Variants in KIT observed in about 807,000 individuals in gnomAD.
The protein encoded by KIT is mast/stem cell growth factor receptor Kit.
KIT carries 16 observed loss-of-function variants against 105.7 expected under a neutral mutation model. The ratio of observed to expected loss-of-function variants is 0.15; its 90% CI spans 0.10 to 0.23. The LOEUF (loss-of-function observed/expected upper bound fraction) is 0.23. Ranked by LOEUF, KIT falls within the 10% of genes least tolerant of loss-of-function variation. The probability of loss-of-function intolerance (pLI) is 1.00; values close to 1 mark genes in which losing one functional copy is unlikely to be tolerated. For missense variants in KIT, 858 were observed against 1,213.8 expected, an observed-to-expected ratio of 0.71 and a Z score of 4.36; for synonymous variants, 438 against 441.1, an observed-to-expected ratio of 0.99 and a Z score of 0.09.
At chr4:54,659,970 C>T (rs561731073) in intron 1 of KIT, among the ~76,000 whole-genome samples, 44 of 152,176 alleles carry the variant, frequency 2.9e-4, no homozygotes, top group African/African-American at 1.1e-3. Flanking sequence ...TGCCCTTGGC[C>T]AGGTTGCTTA....
chr4:54,681,936 C>T (rs1577933209), intron 1 of KIT, among the ~76,000 whole-genome samples: 1 of 151,906 alleles, frequency 6.6e-6, no homozygotes, highest in African/African-American at 2.4e-5. Flanking sequence ...GAGATCGTGC[C>T]ACTTCATTCC....
At chr4:54,687,426 G>A (rs969406321) in intron 1 of KIT, among the ~76,000 whole-genome samples, 5 of 151,650 alleles carry the variant, frequency 3.3e-5, no homozygotes, top group Non-Finnish European at 5.9e-5. Flanking sequence ...CGACGACAGA[G>A]CAAGACCCCA....
At chr4:54,727,611 C>T in intron 11 of KIT, 69 bp downstream of exon 11, 1 of 1,583,890 alleles carries the variant, frequency 6.3e-7, no homozygotes. Flanking sequence ...TAAGGAACTC[C>T]AGTGGCTTCC....
chr4:54,698,227 G>A (rs145238811), intron 2 of KIT, 57 bp from the exon 3 acceptor site: 3 of 1,527,938 alleles, frequency 2.0e-6, no homozygotes, highest in Middle Eastern at 1.7e-4. Flanking sequence ...TTTAAAAAGT[G>A]TTTTCAGTGT....
intron 20 of KIT, among the ~76,000 whole-genome samples, chr4:54,738,150 T>A (rs1363367765): frequency 6.6e-6 from 1 of 152,200 alleles, no homozygotes; most frequent in Non-Finnish European, 1.5e-5. Context: ...GGTAAGATAG[T>A]GCTTGGTGCC....
chr4:54,682,312 G>A (rs1718995001), intron 1 of KIT, among the ~76,000 whole-genome samples: 1 of 151,946 alleles, frequency 6.6e-6, no homozygotes, highest in African/African-American at 2.4e-5. Flanking sequence ...CTGGTCTTGA[G>A]CTCCTGGGTA....
chr4:54,699,061 A>C (rs1720278299), intron 3 of KIT, among the ~76,000 whole-genome samples: 1 of 152,234 alleles, frequency 6.6e-6, no homozygotes, highest in African/African-American at 2.4e-5. Context: ...GTTATGTAGA[A>C]TATTTCGTTA....
chr4:54,715,208 G>A (rs1425624123), intron 7 of KIT, among the ~76,000 whole-genome samples: 1 of 152,066 alleles, frequency 6.6e-6, no homozygotes, highest in African/African-American at 2.4e-5. Flanking sequence ...CAAAGTCTGG[G>A]CTACCTTTTA....
Position 54,703,524 on chromosome 4 carries a change from T to C in KIT, c.757-200T>C, listed in dbSNP as rs560048828. Reference sequence around the variant, plus strand: ...TTTTCCCAATCGTTAATAATGACTGTCTTTCAACATAATCCTGTAATATGA... The same window carrying C: ...TTTTCCCAATCGTTAATAATGACTGCCTTTCAACATAATCCTGTAATATGA... On this transcript the variant is annotated intron_variant, in intron 4 of 20. Transcript: ENST00000288135. Among the ~76,000 whole-genome samples the C allele has an allele frequency of 1.4e-4, 21 of 152,320 alleles. No individual in the cohort carries two copies. The South Asian group carries it at 4.1e-3, about 30-fold the overall frequency.
chr4:54,700,472 ATT>A (rs1295446153), intron 4 of KIT, among the ~76,000 whole-genome samples: 1 of 152,126 alleles, frequency 6.6e-6, no homozygotes, highest in Admixed American at 6.6e-5. Context: ...AGTTACTGAA[ATT>A]TTATCCCTAC....
intron 7 of KIT, among the ~76,000 whole-genome samples, chr4:54,714,801 C>T (rs1215352216): frequency 6.6e-6 from 1 of 152,156 alleles, no homozygotes; most frequent in Non-Finnish European, 1.5e-5. Flanking sequence ...TAATGACGAG[C>T]TTCAGCCAGT....
At chr4:54,689,958 G>C (rs996406431) in intron 1 of KIT, among the ~76,000 whole-genome samples, 2 of 151,418 alleles carry the variant, frequency 1.3e-5, no homozygotes, top group Admixed American at 1.3e-4. Context: ...CATATAACTG[G>C]TATCACACAA....
chr4:54,675,625 G>GTA (rs1285280232), intron 1 of KIT, among the ~76,000 whole-genome samples: 5 of 152,196 alleles, frequency 3.3e-5, no homozygotes, highest in African/African-American at 1.2e-4. Flanking sequence ...AATGGCTGCA[G>GTA]AATTAACTAT....
At chr4:54,661,607 T>C (rs1008159768) in intron 1 of KIT, among the ~76,000 whole-genome samples, 1 of 152,248 alleles carries the variant, frequency 6.6e-6, no homozygotes, top group Non-Finnish European at 1.5e-5. Flanking sequence ...TGGGAAATGC[T>C]TTCTTTTGCT....
At chr4:54,729,287 A>G (rs1397471911) in intron 13 of KIT, 48 bp from the exon 14 acceptor site, 1 of 1,601,462 alleles carries the variant, frequency 6.2e-7, no homozygotes, top group Admixed American at 1.7e-5. Context: ...AGGCAGAATT[A>G]ATCTATATAT....
intron 1 of KIT, among the ~76,000 whole-genome samples, chr4:54,671,564 T>C (rs1005543918): frequency 2.0e-5 from 3 of 152,178 alleles, no homozygotes; most frequent in Non-Finnish European, 4.4e-5. Flanking sequence ...TTCCTTTTAT[T>C]TACAGTAATT....
At chr4:54,699,600 T>C (rs554540340) in intron 3 of KIT, 30 bp from the exon 4 acceptor site, 2 of 1,613,358 alleles carry the variant, frequency 1.2e-6, no homozygotes, top group Admixed American at 1.7e-5. Flanking sequence ...ATACAAATTA[T>C]TTGAGGGGCC....
chr4:54,700,636 A>G (rs1292779068), intron 4 of KIT, among the ~76,000 whole-genome samples: 2 of 152,214 alleles, frequency 1.3e-5, no homozygotes, highest in Non-Finnish European at 2.9e-5. Context: ...CCATGCAAGC[A>G]TTATATTGGA....
intron 1 of KIT, among the ~76,000 whole-genome samples, chr4:54,680,286 A>T (rs1043041746): frequency 1.3e-5 from 2 of 148,584 alleles, no homozygotes; most frequent in South Asian, 4.3e-4. Context: ...CCTCTCACTT[A>T]TCTGTGTTTC....
Sources: gnomAD v4.1 joint callset for allele counts (sites outside exome capture counted in the v4.1 genomes callset) on GRCh38, gnomAD v4.1.1 for gene constraint, MANE v1.5 for transcripts, NCBI Gene and HGNC (gene_info 2026-07-23, HGNC 2026-07-21) for gene names.